USP13: variants seen among roughly 807,000 people sequenced by gnomAD.
USP13 encodes ubiquitin carboxyl-terminal hydrolase 13.
Under a neutral mutation model 107.8 loss-of-function variants are expected in USP13, and 68 were observed. The observed-to-expected ratio is 0.63, with a 90% confidence interval of 0.52 to 0.77. The LOEUF is 0.77. USP13 is among the 30% of genes least tolerant of loss of function. USP13 has a pLI of 0.00. For synonymous variants in USP13, 377 were observed against 389.5 expected, an observed-to-expected ratio of 0.97 and a Z score of 0.38; for missense variants, 945 against 1,093.3, an observed-to-expected ratio of 0.86 and a Z score of 1.91.
intron 19 of USP13, among the ~76,000 whole-genome samples, chr3:179,774,260 C>T (rs1368722447): frequency 2.0e-5 from 3 of 152,176 alleles, no homozygotes; most frequent in Admixed American, 6.5e-5. Flanking sequence ...CATGAGGGAT[C>T]CACCTCCATG....
rs765955791 is a variant in USP13 at position 179,708,786 on chromosome 3, G to T, written c.634G>T (p.Ala212Ser). The T allele has an allele frequency of 6.2e-7, 1 of 1,614,192 alleles. No individual in the cohort carries two copies. The highest frequency in any genetic ancestry group is 1.3e-5 in the African/African-American group (1 of 75,038). The change falls in exon 6 of 21, where the codon GCC becomes TCC. Residue 212 changes from alanine to serine, a missense_variant. Coordinates refer to ENST00000263966, the MANE Select transcript of USP13 (RefSeq NM_003940.3). ...VRIPPSGWKC[A>S]RCDLRENLWL... is the part of the protein sequence containing the mutation. ...ATGGCTTTCCAGTGGTTGGAAGTGT[G>T]CCAGATGCGACCTGCGAGAAAACCT...
intron 6 of USP13, among the ~76,000 whole-genome samples, chr3:179,715,925 C>CTGTTT (rs779658984): frequency 2.6e-5 from 4 of 151,910 alleles, no homozygotes; most frequent in Admixed American, 2.0e-4. Flanking sequence ...AGTTTTTGTT[C>CTGTTT]TGTTTTGTTT....
chr3:179,739,964 T>C (rs142591868), intron 10 of USP13, among the ~76,000 whole-genome samples: 172 of 152,286 alleles, frequency 1.1e-3, no homozygotes, highest in African/African-American at 4.0e-3. Flanking sequence ...GCCGAGTGCC[T>C]GACTTTAGAA....
chr3:179,782,165 C>T (rs1243102723), intron 20 of USP13, among the ~76,000 whole-genome samples: 1 of 152,084 alleles, frequency 6.6e-6, no homozygotes, highest in African/African-American at 2.4e-5. Context: ...CAAAAGGAAA[C>T]AAGACAGGAA....
chr3:179,735,585 C>T (rs960006847), intron 10 of USP13, among the ~76,000 whole-genome samples: 2 of 152,126 alleles, frequency 1.3e-5, no homozygotes, highest in Non-Finnish European at 2.9e-5. Context: ...CATTTCCTTT[C>T]TCCTTTTCTC....
chr3:179,734,622 T>C (rs1713921855), intron 10 of USP13, among the ~76,000 whole-genome samples: 1 of 152,228 alleles, frequency 6.6e-6, no homozygotes, highest in East Asian at 1.9e-4. Flanking sequence ...TTTCCTAGGT[T>C]AGACACATGT....
intron 1 of USP13, among the ~76,000 whole-genome samples, chr3:179,671,085 T>C (rs981116584): frequency 6.6e-6 from 1 of 151,968 alleles, no homozygotes; most frequent in African/African-American, 2.4e-5. Flanking sequence ...AAACCCCGTC[T>C]CTACTAAAAA....
intron 8 of USP13, among the ~76,000 whole-genome samples, chr3:179,728,118 A>G (rs1713621535): frequency 9.3e-6 from 1 of 107,834 alleles, no homozygotes; most frequent in Non-Finnish European, 2.0e-5. Flanking sequence ...GGCCGGGCAG[A>G]GGGGCTCCTC....
intron 19 of USP13, among the ~76,000 whole-genome samples, chr3:179,767,910 CT>C (rs920632013): frequency 6.6e-6 from 1 of 151,968 alleles, no homozygotes; most frequent in Admixed American, 6.6e-5. Context: ...CTGTCTTCTT[CT>C]TTTTTTTAAT....
chr3:179,750,542 C>G (rs1313253580), intron 13 of USP13, among the ~76,000 whole-genome samples: 1 of 151,890 alleles, frequency 6.6e-6, no homozygotes, highest in Non-Finnish European at 1.5e-5. Flanking sequence ...CTCCTGTTTT[C>G]TGAATTGCCT....
At chr3:179,772,891 T>C (rs1293948198) in intron 19 of USP13, among the ~76,000 whole-genome samples, 1 of 152,210 alleles carries the variant, frequency 6.6e-6, no homozygotes, top group Non-Finnish European at 1.5e-5. Flanking sequence ...CTTCCGATGT[T>C]ATTGATTTAC....
At chr3:179,725,640 T>A (rs1312941446) in intron 8 of USP13, among the ~76,000 whole-genome samples, 1 of 152,202 alleles carries the variant, frequency 6.6e-6, no homozygotes, top group African/African-American at 2.4e-5. Flanking sequence ...ATTGCAAAAA[T>A]GCTTTTTCTG....
At chr3:179,673,772 G>A (rs903197084) in intron 1 of USP13, among the ~76,000 whole-genome samples, 5 of 152,166 alleles carry the variant, frequency 3.3e-5, no homozygotes, top group African/African-American at 1.2e-4. Context: ...TTCCTGGCGG[G>A]TGAGACACTC....
chr3:179,709,121 C>G (rs1238824931), intron 6 of USP13, among the ~76,000 whole-genome samples, 164 bp downstream of exon 6: 1 of 152,208 alleles, frequency 6.6e-6, no homozygotes, highest in African/African-American at 2.4e-5. Flanking sequence ...GGCAAGTTTT[C>G]TAATCTCCCT....
Position 179,672,730 on chromosome 3 carries a change from T to TA in USP13, c.169-9147dup, listed in dbSNP as rs564739853. On this transcript the variant is annotated intron_variant, in intron 1 of 20. Transcript: ENST00000263966. ...AACCCGGCCAGTGCTGCTCCTTTCT[T>TA]ACCGTTTGATTATGGGGCTGGAGAA... Among the ~76,000 whole-genome samples the TA allele has an allele frequency of 2.0e-5, 3 of 152,326 alleles. No individual in the cohort carries two copies. In the South Asian group the frequency reaches 6.2e-4, roughly 32 times the overall value.
At chr3:179,774,583 T>C (rs1715452222) in intron 19 of USP13, among the ~76,000 whole-genome samples, 1 of 150,604 alleles carries the variant, frequency 6.6e-6, no homozygotes, top group Admixed American at 6.6e-5. Context: ...CTCGCTGGCC[T>C]CAGGAGTGAA....
In USP13 at chr3:179,700,863, G is replaced by T. The variant is rs145130887; in HGVS notation, c.356-145G>T. 1.9e-5 allele frequency: 17 copies of T among 898,394 alleles called. No homozygotes were observed. The East Asian group carries it at 4.7e-4, about 25-fold the overall frequency. 55.7% of individuals were successfully genotyped at this position (898,394 alleles called of 1,614,324 possible). ...TATTGGTGGTTGAGGACAGATGGAC[G>T]GCCCTGTCAGAGGAGAAAGTTGTAA... On this transcript the variant is annotated intron_variant, in intron 3 of 20. Coordinates refer to ENST00000263966, the MANE Select transcript of USP13 (RefSeq NM_003940.3).
intron 6 of USP13, among the ~76,000 whole-genome samples, chr3:179,715,118 G>A (rs1229514893): frequency 1.3e-5 from 2 of 151,954 alleles, no homozygotes; most frequent in African/African-American, 4.8e-5. Context: ...CTGGGCTCAA[G>A]TGATCCTCCT....
intron 8 of USP13, among the ~76,000 whole-genome samples, chr3:179,722,153 C>A (rs1295538376): frequency 6.6e-6 from 1 of 151,976 alleles, no homozygotes; most frequent in Non-Finnish European, 1.5e-5. Context: ...TTGACCATCA[C>A]CCTATGTACC....
Sources: gnomAD v4.1 joint callset for allele counts (sites outside exome capture counted in the v4.1 genomes callset) on GRCh38, gnomAD v4.1.1 for gene constraint, MANE v1.5 for transcripts, NCBI Gene and HGNC (gene_info 2026-07-23, HGNC 2026-07-21) for gene names.